The following CLNK variants were observed in gnomAD, a reference collection of about 807,000 sequenced individuals.
CLNK encodes cytokine-dependent hematopoietic cell linker.
In CLNK, 74 loss-of-function variants were observed where a neutral mutation model predicts 68.6. That is an observed-to-expected ratio of 1.08 (90% confidence interval 0.89 to 1.31). The LOEUF is 1.31. Among genes scored for constraint, CLNK ranks in the 50% most tolerant of loss-of-function variants. CLNK has a pLI of 0.00. For missense variants in CLNK, 553 were observed against 515.3 expected, an observed-to-expected ratio of 1.07 and a Z score of -0.71; for synonymous variants, 198 against 172.2, an observed-to-expected ratio of 1.15 and a Z score of -1.17.
chr4:10,645,598 A>G (rs1264374626), intron 2 of CLNK, among the ~76,000 whole-genome samples: 1 of 152,134 alleles, frequency 6.6e-6, no homozygotes, highest in Non-Finnish European at 1.5e-5. Flanking sequence ...AGATTAGCTT[A>G]TACCATAATA....
At chr4:10,705,871 C>T in the CLNK span, among the ~76,000 whole-genome samples, 1 of 152,176 alleles carries the variant, frequency 6.6e-6, no homozygotes, top group Non-Finnish European at 1.5e-5. Flanking sequence ...CTATCTAAAT[C>T]GGGTAAAGAG....
intron 1 of CLNK, among the ~76,000 whole-genome samples, chr4:10,670,244 T>G (rs1309134559): frequency 6.6e-6 from 1 of 152,244 alleles, no homozygotes; most frequent in East Asian, 1.9e-4. Context: ...TTTGGGTATG[T>G]GGGGTTATTG....
rs182869329 is a variant in CLNK, at chr4:10,554,658, G to C, written c.445+3749C>G. On this transcript the variant is annotated intron_variant, in intron 8 of 18. Transcript: ENST00000226951. ...CTCTGTTGCTTTTGAGCCATGGGTT[G>C]TGGCTGAAACACATTTACATCTAAA... is the stretch of plus-strand genomic sequence containing the variant. 2.6e-5 allele frequency among the ~76,000 whole-genome samples: 4 copies of C among 152,308 alleles called. No homozygotes were observed. The East Asian group carries it at 7.7e-4, about 29-fold the overall frequency.
chr4:10,695,768 C>G, the CLNK span, among the ~76,000 whole-genome samples: 1 of 152,158 alleles, frequency 6.6e-6, no homozygotes. Context: ...AGAGGCATTT[C>G]CAGCTCAGAG....
chr4:10,564,775 T>C lies in CLNK; in HGVS notation c.295A>G (p.Thr99Ala). Residue 99 changes from threonine to alanine, a missense_variant and splice_region_variant, in exon 7 of 19, where the codon ACA becomes GCA. By Grantham distance (58) the Thr-to-Ala change is moderately conservative. Transcript: ENST00000226951. ...TCCATTGCAACCTTGAAATAGTGTGTATCTATGCAAACAGAAAAATATGAA... is the reference window on the plus strand; with the variant it reads ...TCCATTGCAACCTTGAAATAGTGTGCATCTATGCAAACAGAAAAATATGAA... ...RPIKESEYAD[T>A]HYFKVAMDTP... 6.3e-7 allele frequency: 1 copy of C among 1,589,984 alleles called. No homozygotes were observed. Among genetic ancestry groups the C allele is most frequent in the Non-Finnish European group, 8.6e-7 (1 of 1,158,098 alleles).
chr4:10,536,551 A>C (rs773302535), intron 11 of CLNK, among the ~76,000 whole-genome samples: 3 of 152,216 alleles, frequency 2.0e-5, no homozygotes, highest in Non-Finnish European at 4.4e-5. Context: ...CTGTGACTTT[A>C]AGTTACCTAA....
chr4:10,734,803 G>A, the CLNK span, among the ~76,000 whole-genome samples: 2 of 152,126 alleles, frequency 1.3e-5, no homozygotes, highest in African/African-American at 4.8e-5. Context: ...TGCTACCCAC[G>A]GGGACATGAA....
intron 14 of CLNK, chr4:10,524,033 A>C (rs1718194580): frequency 4.4e-6 from 1 of 226,684 alleles, no homozygotes. Context: ...AAAGAAAGAA[A>C]GGAAGAAAGG....
intron 2 of CLNK, 60 bp downstream of exon 2, chr4:10,667,799 C>T (rs1724460433): frequency 6.8e-7 from 1 of 1,480,812 alleles, no homozygotes; most frequent in Non-Finnish European, 9.1e-7. Context: ...TTCCAGAAAA[C>T]ACCTCCTGTC....
chr4:10,669,547 G>T (rs1291900594), intron 1 of CLNK, among the ~76,000 whole-genome samples: 2 of 152,150 alleles, frequency 1.3e-5, no homozygotes, highest in African/African-American at 4.8e-5. Flanking sequence ...AAACTGGAAG[G>T]GTTGGTAGCT....
the CLNK span, among the ~76,000 whole-genome samples, chr4:10,717,130 T>C: frequency 6.6e-6 from 1 of 152,092 alleles, no homozygotes; most frequent in Non-Finnish European, 1.5e-5. Flanking sequence ...GCTGGGGTAG[T>C]GTGGGAGGAA....
chr4:10,721,378 C>A, the CLNK span, among the ~76,000 whole-genome samples: 1 of 152,126 alleles, frequency 6.6e-6, no homozygotes, highest in Non-Finnish European at 1.5e-5. Context: ...CTTAAAACTG[C>A]ATGAGACTCT....
Position 10,654,384 on chromosome 4 carries a change from A to AATATATATAT in CLNK, c.11+13465_11+13474dup, listed in dbSNP as rs71281268. 2.2e-3 allele frequency among the ~76,000 whole-genome samples: 187 copies of AATATATATAT among 84,154 alleles called. 14 individuals are homozygous for AATATATATAT. Among genetic ancestry groups the AATATATATAT allele is most frequent in the African/African-American group, 5.4e-3 (161 of 29,568 alleles). The allele number at this position is 84,154 out of a possible 152,430, so 55.2% of individuals were successfully genotyped here. On this transcript the variant is annotated intron_variant, in intron 2 of 18. Coordinates refer to ENST00000226951, the MANE Select transcript of CLNK (RefSeq NM_052964.4). ...TATATAGATAAATATATATTGATTA[A>AATATATATAT]ATATATATATATATATATAGAAAGT...
chr4:10,590,008 A>G (rs982012527), intron 3 of CLNK, among the ~76,000 whole-genome samples: 3 of 152,060 alleles, frequency 2.0e-5, no homozygotes, highest in African/African-American at 7.2e-5. Context: ...TGCCTTCCCT[A>G]TCTCTGCTCC....
intron 2 of CLNK, among the ~76,000 whole-genome samples, chr4:10,615,820 T>C (rs1427275729): frequency 6.6e-6 from 1 of 152,202 alleles, no homozygotes; most frequent in African/African-American, 2.4e-5. Context: ...ATGGTAGTGT[T>C]CTGGTAAAGC....
At chr4:10,531,658 C>G (rs1718546854) in intron 12 of CLNK, 1 of 448,420 alleles carries the variant, frequency 2.2e-6, no homozygotes, top group Non-Finnish European at 4.5e-6. Flanking sequence ...TCAGGCTGAT[C>G]TTGAACCCCT....
In CLNK at chr4:10,488,608, C is replaced by T. The variant is rs1041999296; in HGVS notation, c.*1859G>A. The T allele has an allele frequency of 1.3e-5, 2 of 152,230 alleles. No homozygotes were observed. Among genetic ancestry groups the T allele is most frequent in the Admixed American group, 6.5e-5 (1 of 15,284 alleles). 9.4% of individuals were successfully genotyped at this position (152,230 alleles called of 1,614,324 possible). A position where few individuals can be genotyped will look rare whatever the true frequency, so the allele number is the denominator to read the frequency against. The stretch of plus-strand genomic sequence containing the variant: ...TGTAATCCTCTGCAGGCATACTCTA[C>T]GATAGGCTCAGCTGGGTCTCAAAAG... On this transcript the variant is annotated 3_prime_UTR_variant, in exon 19 of 19. Coordinates refer to ENST00000226951, the MANE Select transcript of CLNK (RefSeq NM_052964.4).
chr4:10,652,667 G>C (rs1446767231), intron 2 of CLNK, among the ~76,000 whole-genome samples: 2 of 152,122 alleles, frequency 1.3e-5, no homozygotes, highest in African/African-American at 4.8e-5. Context: ...TGAAAATCCT[G>C]TTTCAATCAT....
upstream of CLNK, among the ~76,000 whole-genome samples, chr4:10,687,244 G>A (rs1051265336): frequency 2.0e-5 from 3 of 150,878 alleles, no homozygotes; most frequent in Non-Finnish European, 2.9e-5. Context: ...ATGGAGTTTC[G>A]AATCTAATAT....
Sources: gnomAD v4.1 joint callset for allele counts (sites outside exome capture counted in the v4.1 genomes callset) on GRCh38, gnomAD v4.1.1 for gene constraint, MANE v1.5 for transcripts, NCBI Gene and HGNC (gene_info 2026-07-23, HGNC 2026-07-21) for gene names.